PCDHA5: variants seen among roughly 807,000 people sequenced by gnomAD.
PCDHA5 encodes the protein protocadherin alpha-5.
Under a neutral mutation model 61.6 loss-of-function variants are expected in PCDHA5, and 43 were observed. The ratio of observed to expected loss-of-function variants is 0.70; its 90% confidence interval spans 0.55 to 0.90. The LOEUF (loss-of-function observed/expected upper bound fraction) is 0.90, where lower values mean the gene tolerates loss of function less well. PCDHA5 is among the 40% of genes least tolerant of loss of function. The probability of loss-of-function intolerance (pLI) is 0.00; values close to 1 mark genes in which losing one functional copy is unlikely to be tolerated. For synonymous variants in PCDHA5, 627 were observed against 543.9 expected (o/e 1.15, Z -2.13); for missense variants, 1,298 against 1,222.7 (o/e 1.06, Z -0.92).
At chr5:140,955,187 T>C (rs1230644276) in intron 1 of PCDHA5, among the ~76,000 whole-genome samples, 1 of 152,198 alleles carries the variant, frequency 6.6e-6, no homozygotes, top group Non-Finnish European at 1.5e-5. Flanking sequence ...TTTTGTGGTG[T>C]ATATGAAGTC....
chr5:140,996,976 G>T (rs573896136), intron 3 of PCDHA5, among the ~76,000 whole-genome samples: 1 of 151,960 alleles, frequency 6.6e-6, no homozygotes, highest in Non-Finnish European at 1.5e-5. Context: ...CTCCCCTTTG[G>T]TGAAGCAACC....
In PCDHA5 at chr5:140,842,895, A is replaced by G; in HGVS notation, c.2352+18768A>G. On this transcript the variant is annotated intron_variant, in intron 1 of 3. Coordinates refer to ENST00000529859, the MANE Select transcript of PCDHA5 (RefSeq NM_018908.3). ...GTGTACGCGCTGCAGCCGCTGGACC[A>G]CGAGGAGCTAGAGCTGCTGCAGTTC... 8 of 1,594,156 alleles carry G rather than the reference A, an allele frequency of 5.0e-6. 1 individual carries two copies. Among genetic ancestry groups the G allele is most frequent in the Non-Finnish European group, 6.9e-6 (8 of 1,165,410 alleles).
intron 1 of PCDHA5, chr5:140,969,304 C>A (rs782271875): frequency 9.3e-6 from 15 of 1,614,042 alleles, no homozygotes; most frequent in African/African-American, 1.3e-5. Flanking sequence ...TGATTATTCT[C>A]AAAAATGAGG....
At position 140,850,397 on chromosome 5, in the gene PCDHA5, G is replaced by C. The variant is rs143469399; in HGVS notation, c.2352+26270G>C. ...TGTACACGGGCGAGATCAGCACAAC[G>C]CGTGCCCTGGACGAAACGGACGCAC... On this transcript the variant is annotated intron_variant, in intron 1 of 3. Transcript: ENST00000529859. 45 of 1,597,958 alleles carry C rather than the reference G, an allele frequency of 2.8e-5. 5 individuals are homozygous for C. In the African/African-American group the frequency reaches 5.4e-4, roughly 19 times the overall value.
At chr5:140,877,156 G>C (rs1471783281) in intron 1 of PCDHA5, 1 of 1,613,810 alleles carries the variant, frequency 6.2e-7, no homozygotes, top group Non-Finnish European at 8.5e-7. Flanking sequence ...GAACGACAAC[G>C]CGCCGGCACT....
At chr5:140,967,380 A>C in intron 1 of PCDHA5, 3 of 1,608,302 alleles carry the variant, frequency 1.9e-6, no homozygotes, top group Non-Finnish European at 2.6e-6. Flanking sequence ...GAGAACAGTA[A>C]AGTGCTTGAG....
Position 140,821,886 on chromosome 5 carries a change from A to T in PCDHA5, c.111A>T (p.Glu37Asp). Residue 37 changes from glutamate to aspartate, a missense_variant, in exon 1 of 4, where the codon GAA becomes GAT. Transcript: ENST00000529859. ...AGCTCCACTACTCGATCCCGGAGGA[A>T]GCCAAACACGGAACCTTCGTTGGCC... ...SGQLHYSIPE[E>D]AKHGTFVGRI... The T allele has an allele frequency of 6.2e-7, 1 of 1,614,246 alleles. No homozygotes were observed. Among genetic ancestry groups the T allele is most frequent in the Non-Finnish European group, 8.5e-7 (1 of 1,180,036 alleles).
At chr5:140,967,141 G>T in intron 1 of PCDHA5, 2 of 1,611,258 alleles carry the variant, frequency 1.2e-6, no homozygotes, top group South Asian at 1.1e-5. Flanking sequence ...AAGTGCTGGC[G>T]CACAACCCCG....
intron 3 of PCDHA5, among the ~76,000 whole-genome samples, chr5:140,985,279 A>G (rs1168353248): frequency 1.3e-5 from 2 of 152,150 alleles, no homozygotes; most frequent in Non-Finnish European, 2.9e-5. Context: ...CTTTTCTGCA[A>G]TCTATGATAT....
intron 1 of PCDHA5, among the ~76,000 whole-genome samples, chr5:140,893,180 C>G (rs1388898676): frequency 6.6e-6 from 1 of 152,208 alleles, no homozygotes; most frequent in Non-Finnish European, 1.5e-5. Context: ...CACATAGTAG[C>G]TATTGTGAAT....
intron 1 of PCDHA5, among the ~76,000 whole-genome samples, chr5:140,936,526 C>T (rs183606913): frequency 6.6e-6 from 1 of 152,302 alleles, no homozygotes; most frequent in East Asian, 1.9e-4. Flanking sequence ...CCTGAAATTG[C>T]TTTTGAATAT....
intron 1 of PCDHA5, chr5:140,870,427 G>T: frequency 1.9e-6 from 3 of 1,614,220 alleles, no homozygotes; most frequent in Non-Finnish European, 2.5e-6. Context: ...CAGGGTATCC[G>T]TGGAGGTGGC....
chr5:140,982,288 T>G, intron 2 of PCDHA5, 187 bp from the exon 3 acceptor site: 1 of 1,088,080 alleles, frequency 9.2e-7, no homozygotes, highest in Admixed American at 2.9e-5. Context: ...AGGCAATAAG[T>G]AAGTCAGCAA....
intron 3 of PCDHA5, among the ~76,000 whole-genome samples, chr5:140,995,324 G>C (rs1290299693): frequency 1.3e-5 from 2 of 152,190 alleles, no homozygotes; most frequent in Non-Finnish European, 2.9e-5. Context: ...GAACTAACAG[G>C]TGAGTAGTGT....
intron 1 of PCDHA5, among the ~76,000 whole-genome samples, chr5:140,943,664 T>G (rs1404337303): frequency 6.6e-6 from 1 of 151,998 alleles, no homozygotes; most frequent in Non-Finnish European, 1.5e-5. Flanking sequence ...GAACAATGTA[T>G]AAAGTGTGAA....
At chr5:140,939,960 T>G (rs1216904868) in intron 1 of PCDHA5, among the ~76,000 whole-genome samples, 2 of 152,258 alleles carry the variant, frequency 1.3e-5, no homozygotes, top group African/African-American at 2.4e-5. Context: ...TATGTTAAAG[T>G]GTTCCACGAT....
chr5:140,884,308 G>T, intron 1 of PCDHA5: 1 of 1,613,766 alleles, frequency 6.2e-7, no homozygotes. Flanking sequence ...AGGCTTCGTC[G>T]AGGGCGTCGG....
At chr5:140,831,140 A>G (rs1327824890) in intron 1 of PCDHA5, 1 of 152,182 alleles carries the variant, frequency 6.6e-6, no homozygotes, top group African/African-American at 2.4e-5. Flanking sequence ...TTATTGATTT[A>G]TTTACTACCG....
chr5:140,969,508 A>C, intron 1 of PCDHA5: 2 of 1,424,370 alleles, frequency 1.4e-6, no homozygotes, highest in South Asian at 1.5e-5. Context: ...GAAAAATAGC[A>C]CTAAAGAATT....
Sources: gnomAD v4.1 joint callset for allele counts (sites outside exome capture counted in the v4.1 genomes callset) on GRCh38, gnomAD v4.1.1 for gene constraint, MANE v1.5 for transcripts, NCBI Gene and HGNC (gene_info 2026-07-23, HGNC 2026-07-21) for gene names.